Variants in IFNGR1 observed in about 807,000 individuals in gnomAD.
IFNGR1 encodes the protein AVP, type 2.
IFNGR1 carries 23 observed loss-of-function variants against 35.4 expected under a neutral mutation model. The observed-to-expected ratio is 0.65, with a 90% CI of 0.47 to 0.92. IFNGR1 has a LOEUF of 0.92. Among genes scored for constraint, IFNGR1 ranks in the 40% least tolerant of loss-of-function variants. The pLI, the probability that IFNGR1 is intolerant of heterozygous loss-of-function variation, is 0.00. For synonymous variants in IFNGR1, 199 were observed against 209.5 expected (o/e 0.95, Z 0.43); for missense variants, 533 against 583.4 (o/e 0.91, Z 0.89).
At chr6:137,207,353 A>C (rs1048045758) in intron 1 of IFNGR1, among the ~76,000 whole-genome samples, 1 of 152,232 alleles carries the variant, frequency 6.6e-6, no homozygotes, top group African/African-American at 2.4e-5. Flanking sequence ...TTCCCTTAAT[A>C]TGATAGAAGT....
intron 1 of IFNGR1, among the ~76,000 whole-genome samples, chr6:137,218,190 A>G (rs749429460): frequency 3.9e-5 from 6 of 152,228 alleles, no homozygotes; most frequent in Non-Finnish European, 8.8e-5. Flanking sequence ...GTCCATAAAG[A>G]GAGAGACAAA....
Position 137,198,063 on chromosome 6 carries a change from T to C in IFNGR1, c.1438A>G (p.Arg480Gly), listed in dbSNP as rs755295646. 6.2e-7 allele frequency: 1 copy of C among 1,614,180 alleles called. No homozygotes were observed. The highest frequency in any genetic ancestry group is 8.5e-7 in the Non-Finnish European group (1 of 1,180,022). The stretch of plus-strand genomic sequence containing the variant: ...AATTCTTTGGAATCTTCTGTTGGTC[T>C]ATAACCAATCAAGGACTCTTTACCG... Reference protein sequence around the residue: ...DSGKESLIGYRPTEDSKEFS With the variant: ...DSGKESLIGYGPTEDSKEFS Residue 480 changes from arginine (R) to glycine (G), a missense_variant, in exon 7 of 7, where the codon AGA (arginine) becomes GGA (glycine). Coordinates refer to ENST00000367739, the MANE Select transcript of IFNGR1 (RefSeq NM_000416.3).
intron 5 of IFNGR1, among the ~76,000 whole-genome samples, chr6:137,201,253 CA>C (rs1779270548): frequency 6.6e-6 from 1 of 152,220 alleles, no homozygotes; most frequent in Non-Finnish European, 1.5e-5. Flanking sequence ...TACTATGACA[CA>C]ACATAGTTAA....
In IFNGR1 at chr6:137,219,358, C is replaced by G. The variant is rs777572690; in HGVS notation, c.-31G>C. On this transcript the variant is annotated 5_prime_UTR_variant, in exon 1 of 7. Coordinates refer to ENST00000367739, the MANE Select transcript of IFNGR1 (RefSeq NM_000416.3). The stretch of plus-strand genomic sequence containing the variant: ...TACCGACGGTCGCTGGCTCCAACCC[C>G]GAGCGCCTGCGGGACCAGCCCAGCA... The G allele has an allele frequency of 8.2e-6, 13 of 1,580,854 alleles. No homozygotes were observed. The highest frequency in any genetic ancestry group is 4.3e-6 in the Non-Finnish European group (5 of 1,163,924).
intron 1 of IFNGR1, among the ~76,000 whole-genome samples, chr6:137,218,067 A>G (rs973229402): frequency 6.6e-6 from 1 of 152,186 alleles, no homozygotes; most frequent in African/African-American, 2.4e-5. Context: ...GACTGACTAG[A>G]GCCTAGAAGA....
chr6:137,204,681 A>G (rs1373486546), intron 3 of IFNGR1, among the ~76,000 whole-genome samples, 177 bp from the exon 4 acceptor site: 1 of 152,202 alleles, frequency 6.6e-6, no homozygotes, highest in South Asian at 2.1e-4. Flanking sequence ...GGTCCTTAAT[A>G]AACAAATGTT....
At chr6:137,217,028 T>C (rs1400415425) in intron 1 of IFNGR1, among the ~76,000 whole-genome samples, 2 of 152,210 alleles carry the variant, frequency 1.3e-5, no homozygotes, top group Admixed American at 1.3e-4. Flanking sequence ...GGTGCACTCA[T>C]AGGGCCCCGT....
intron 1 of IFNGR1, among the ~76,000 whole-genome samples, chr6:137,215,886 A>T (rs908944313): frequency 1.3e-5 from 2 of 151,934 alleles, no homozygotes; most frequent in African/African-American, 4.8e-5. Context: ...TAATTTTTGT[A>T]TTTTTTTGTA....
intron 1 of IFNGR1, among the ~76,000 whole-genome samples, chr6:137,216,060 A>C (rs1425574311): frequency 6.6e-6 from 1 of 152,194 alleles, no homozygotes; most frequent in African/African-American, 2.4e-5. Flanking sequence ...GTGAATTATG[A>C]ATCAGAATAA....
chr6:137,206,568 T>G, intron 2 of IFNGR1: 1 of 425,760 alleles, frequency 2.3e-6, no homozygotes, highest in Non-Finnish European at 4.2e-6. Flanking sequence ...TTTAAAAATC[T>G]GTTTTTTTAA....
chr6:137,199,327 T>TTATAATA (rs919056145), intron 6 of IFNGR1, among the ~76,000 whole-genome samples: 7 of 130,954 alleles, frequency 5.3e-5, no homozygotes, highest in East Asian at 4.1e-4. Context: ...AATATATAAT[T>TTATAATA]TATAATATAT....
At chr6:137,211,527 C>T (rs1388361418) in intron 1 of IFNGR1, among the ~76,000 whole-genome samples, 1 of 152,156 alleles carries the variant, frequency 6.6e-6, no homozygotes, top group Non-Finnish European at 1.5e-5. Context: ...TGACCAGACA[C>T]CTAGGTTTTC....
chr6:137,198,623 C>T lies in IFNGR1; in HGVS notation c.878G>A (p.Ser293Asn). The part of the protein sequence containing the change: ...LPKSLISVVR[S>N]ATLETKPESK... ...TTCAGGTTTTGTCTCTAAAGTAGCA[C>T]TTCTTACCACAGAGATCTATGGGGA... Residue 293 changes from serine (S) to asparagine (N), a missense_variant, in exon 7 of 7, where the codon AGT (serine) becomes AAT (asparagine). Transcript: ENST00000367739. The T allele has an allele frequency of 6.2e-7, 1 of 1,611,740 alleles. No individual in the cohort carries two copies. The highest frequency in any genetic ancestry group is 8.5e-7 in the Non-Finnish European group (1 of 1,179,582).
At chr6:137,199,509 T>TATATATA (rs1779204380) in intron 6 of IFNGR1, among the ~76,000 whole-genome samples, 1 of 101,016 alleles carries the variant, frequency 9.9e-6, no homozygotes, top group South Asian at 2.4e-4. Flanking sequence ...AAATATATAA[T>TATATATA]TTATAATATA....
At chr6:137,199,510 T>TTATAATATATTATATATAATA (rs1562283353) in intron 6 of IFNGR1, among the ~76,000 whole-genome samples, 2 of 4,474 alleles carry the variant, frequency 4.5e-4, no homozygotes, top group African/African-American at 7.9e-4. Flanking sequence ...AATATATAAT[T>TTATAATATATTATATATAATA]TATAATATAT....
chr6:137,205,813 G>T (rs1200733338), intron 3 of IFNGR1, among the ~76,000 whole-genome samples: 1 of 152,080 alleles, frequency 6.6e-6, no homozygotes, highest in Non-Finnish European at 1.5e-5. Flanking sequence ...GAGATCAGTA[G>T]TATTTTCGGT....
Position 137,203,641 on chromosome 6 carries a change from C to A in IFNGR1, c.591G>T (p.Glu197Asp). 6.2e-7 allele frequency: 1 copy of A among 1,613,042 alleles called. No individual in the cohort carries two copies. Among genetic ancestry groups the A allele is most frequent in the Admixed American group, 1.7e-5 (1 of 59,974 alleles). Reference sequence around the variant, plus strand: ...CTGGAATCGCTAACTGGCACTGAATCTCGTCACAATCATCTTCCTTCTGCG... The same window carrying A: ...CTGGAATCGCTAACTGGCACTGAATATCGTCACAATCATCTTCCTTCTGCG... ...ILTQKEDDCDEIQCQLAIPVS... is the reference protein window; with the variant it reads ...ILTQKEDDCDDIQCQLAIPVS... The change falls in exon 5 of 7, where the codon GAG becomes GAT. Residue 197 changes from glutamate to aspartate, a missense_variant. Coordinates refer to ENST00000367739, the MANE Select transcript of IFNGR1 (RefSeq NM_000416.3).
At chr6:137,202,602 TACACACACAC>T (rs3839519) in intron 5 of IFNGR1, among the ~76,000 whole-genome samples, 2,429 of 142,182 alleles carry the variant, frequency 0.017, 24 homozygotes, top group South Asian at 0.033. Flanking sequence ...AATATATGTA[TACACACACAC>T]ACACACACAC....
At chr6:137,212,027 C>T (rs925322366) in intron 1 of IFNGR1, among the ~76,000 whole-genome samples, 36 of 152,186 alleles carry the variant, frequency 2.4e-4, no homozygotes, top group African/African-American at 8.4e-4. Context: ...AACAGTTCTT[C>T]CCATGATTGA....
Sources: gnomAD v4.1 joint callset for allele counts (sites outside exome capture counted in the v4.1 genomes callset) on GRCh38, gnomAD v4.1.1 for gene constraint, MANE v1.5 for transcripts, NCBI Gene and HGNC (gene_info 2026-07-23, HGNC 2026-07-21) for gene names.